The following TEN1 variants were observed in gnomAD, a reference collection of about 807,000 sequenced individuals.
TEN1 encodes CST complex subunit TEN1.
TEN1 carries 6 observed loss-of-function variants against 9.3 expected under a neutral mutation model. The ratio of observed to expected loss-of-function variants is 0.65; its 90% confidence interval spans 0.35 to 1.27. The LOEUF (loss-of-function observed/expected upper bound fraction) is 1.27, where lower values mean the gene tolerates loss of function less well. Ranked by LOEUF, TEN1 falls within the 50% of genes most tolerant of loss-of-function variation. TEN1 has a pLI of 0.03. For synonymous variants in TEN1, 65 were observed against 65.6 expected (o/e 0.99, Z 0.04); for missense variants, 149 against 158.2 (o/e 0.94, Z 0.31).
intron 3 of TEN1, among the ~76,000 whole-genome samples, chr17:75,996,416 C>T (rs527271028): frequency 1.3e-4 from 20 of 151,916 alleles, no homozygotes; most frequent in Non-Finnish European, 2.2e-4. Flanking sequence ...AACTGGGAGG[C>T]GGAGGTTGCA....
At chr17:75,997,886 C>T (rs146135848) in intron 3 of TEN1, among the ~76,000 whole-genome samples, 44 of 151,756 alleles carry the variant, frequency 2.9e-4, no homozygotes, top group African/African-American at 9.7e-4. Context: ...TGGAGTCTCG[C>T]TCTGTCACCC....
chr17:75,981,115 T>C (rs1031095545), intron 1 of TEN1, among the ~76,000 whole-genome samples: 1 of 152,212 alleles, frequency 6.6e-6, no homozygotes, highest in Non-Finnish European at 1.5e-5. Flanking sequence ...TGAGTTTTTA[T>C]TTTGAAATAA....
intron 3 of TEN1, among the ~76,000 whole-genome samples, chr17:75,997,996 TGCCCG>T (rs2066227445): frequency 6.6e-6 from 1 of 151,224 alleles, no homozygotes; most frequent in South Asian, 2.1e-4. Flanking sequence ...GGATTACAGG[TGCCCG>T]CCACCACACC....
intron 3 of TEN1, among the ~76,000 whole-genome samples, chr17:75,993,492 A>T (rs1438148318): frequency 3.9e-5 from 6 of 152,192 alleles, no homozygotes; most frequent in African/African-American, 1.4e-4. Flanking sequence ...CTGACAAAAT[A>T]AAAAATCCAG....
intron 1 of TEN1, among the ~76,000 whole-genome samples, chr17:75,985,407 G>A (rs529283114): frequency 4.1e-4 from 63 of 152,088 alleles, no homozygotes; most frequent in South Asian, 4.2e-4. Context: ...CTTGGCCTCC[G>A]AAAGAGCTGG....
chr17:76,000,352 G>C lies in TEN1; in HGVS notation c.*90G>C, dbSNP rs2066247270. 1 of 1,450,956 alleles carries C rather than the reference G, an allele frequency of 6.9e-7. No individual in the cohort carries two copies. Among genetic ancestry groups the C allele is most frequent in the Middle Eastern group, 1.9e-4 (1 of 5,246 alleles). The allele number at this position is 1,450,956 out of a possible 1,614,324, so 89.9% of individuals were successfully genotyped here. ...CCGGGAGAGCACAGACGCCTCCCCA[G>C]CGACGGCCTTGTCTGGAGCTCGAAA... On this transcript the variant is annotated 3_prime_UTR_variant, in exon 4 of 4. Transcript: ENST00000397640. The surrounding 1 kb of genome is among the most constrained non-coding windows in gnomAD (Gnocchi z 5.9).
chr17:76,000,217 C>A lies in TEN1; in HGVS notation c.327C>A (p.Ile109=), dbSNP rs1474751254. The part of the protein sequence containing the change: ...GMNLPLLEQA[I]REQRLYKQER... The stretch of plus-strand genomic sequence containing the variant: ...ACCTGCCCTTGTTGGAACAAGCCAT[C>A]CGGGAGCAGAGACTGTACAAGCAGG... Residue 109 remains isoleucine (I), a synonymous_variant, in exon 4 of 4, where the codon ATC becomes ATA. Transcript: ENST00000397640. The surrounding 1 kb of genome is among the most constrained non-coding windows in gnomAD (Gnocchi z 5.9). 2 of 1,551,326 alleles carry A rather than the reference C, an allele frequency of 1.3e-6. No homozygotes were observed. Among genetic ancestry groups the A allele is most frequent in the African/African-American group, 2.7e-5 (2 of 73,034 alleles).
chr17:75,985,752 G>A (rs970780473), intron 1 of TEN1, among the ~76,000 whole-genome samples: 1 of 151,254 alleles, frequency 6.6e-6, no homozygotes. Flanking sequence ...TTGAACTCCT[G>A]ACCTCAGGTG....
At chr17:75,985,893 T>C (rs1296917030) in intron 1 of TEN1, among the ~76,000 whole-genome samples, 1 of 151,348 alleles carries the variant, frequency 6.6e-6, no homozygotes, top group Non-Finnish European at 1.5e-5. Context: ...CTTTTTTATA[T>C]ATATTTTTTA....
At position 76,000,371 on chromosome 17, in the gene TEN1, C is replaced by T; in HGVS notation, c.*109C>T. The T allele has an allele frequency of 7.1e-7, 1 of 1,414,536 alleles. No individual in the cohort carries two copies. Among genetic ancestry groups the T allele is most frequent in the South Asian group, 1.5e-5 (1 of 66,590 alleles). 87.6% of individuals were successfully genotyped at this position (1,414,536 alleles called of 1,614,324 possible). ...TCCCCAGCGACGGCCTTGTCTGGAG[C>T]TCGAAAGCCGAGGGGCGGGTGATGA... On this transcript the variant is annotated 3_prime_UTR_variant, in exon 4 of 4. Transcript: ENST00000397640. The surrounding 1 kb of genome is among the most constrained non-coding windows in gnomAD (Gnocchi z 5.9).
intron 3 of TEN1, among the ~76,000 whole-genome samples, chr17:75,995,618 C>T (rs1170137094): frequency 1.3e-5 from 2 of 152,202 alleles, no homozygotes; most frequent in African/African-American, 4.8e-5. Flanking sequence ...GCCCGAGGGC[C>T]CCCTGTTCTG....
At chr17:75,981,810 G>T (rs1393349810) in intron 1 of TEN1, among the ~76,000 whole-genome samples, 1 of 151,984 alleles carries the variant, frequency 6.6e-6, no homozygotes, top group African/African-American at 2.4e-5. Context: ...CAGGTGGATA[G>T]CGAGGTCAGG....
intron 1 of TEN1, among the ~76,000 whole-genome samples, chr17:75,979,761 G>C (rs540898114): frequency 1.9e-4 from 29 of 152,016 alleles, no homozygotes; most frequent in Admixed American, 1.9e-3. Context: ...ACGGGAACCA[G>C]TCTCTTTGGG....
intron 1 of TEN1, among the ~76,000 whole-genome samples, chr17:75,981,798 G>A (rs2066122399): frequency 6.6e-6 from 1 of 152,090 alleles, no homozygotes; most frequent in Non-Finnish European, 1.5e-5. Context: ...GGGAGGCCAA[G>A]GCAGGTGGAT....
chr17:75,983,395 C>T (rs960075287), intron 1 of TEN1, among the ~76,000 whole-genome samples: 1 of 152,204 alleles, frequency 6.6e-6, no homozygotes, highest in African/African-American at 2.4e-5. Flanking sequence ...TTCCCCAGAT[C>T]CACCAGAAAA....
At position 75,991,554 on chromosome 17, in the gene TEN1, T is replaced by C. The variant is rs977512123; in HGVS notation, c.181T>C (p.Leu61=). The C allele has an allele frequency of 2.6e-5, 41 of 1,552,148 alleles. No individual in the cohort carries two copies. The highest frequency in any genetic ancestry group is 4.9e-5 in the East Asian group (2 of 40,932). Reference sequence around the variant, plus strand: ...GCACCAGGTTCTTGTCTGTACCAAGTTGGTGGAGCCCTTCCACGCCCAGGT... The same window carrying C: ...GCACCAGGTTCTTGTCTGTACCAAGCTGGTGGAGCCCTTCCACGCCCAGGT... ...DQHQVLVCTK[L]VEPFHAQVGS... is the part of the protein sequence containing the mutation. Residue 61 remains leucine, a synonymous_variant, in exon 3 of 4, where the codon TTG becomes CTG. Coordinates refer to ENST00000397640, the MANE Select transcript of TEN1 (RefSeq NM_001113324.3).
intron 2 of TEN1, among the ~76,000 whole-genome samples, chr17:75,988,065 C>T (rs2066162869): frequency 6.6e-6 from 1 of 151,086 alleles, no homozygotes; most frequent in Admixed American, 6.6e-5. Flanking sequence ...CATGGTGAAA[C>T]CCCGTCTCTA....
intron 2 of TEN1, among the ~76,000 whole-genome samples, chr17:75,990,142 C>T (rs2066176446): frequency 6.6e-6 from 1 of 151,532 alleles, no homozygotes; most frequent in Non-Finnish European, 1.5e-5. Flanking sequence ...GCCTCTTGGG[C>T]TCCAGTGATC....
At chr17:75,999,039 A>C (rs906224047) in intron 3 of TEN1, among the ~76,000 whole-genome samples, 2 of 151,818 alleles carry the variant, frequency 1.3e-5, no homozygotes, top group African/African-American at 4.8e-5. Flanking sequence ...ATGACTGGGG[A>C]AAAAAGAAAG....
Sources: allele counts gnomAD v4.1 joint callset (sites outside exome capture counted in the v4.1 genomes callset), GRCh38; gene constraint gnomAD v4.1.1; non-coding constraint Gnocchi (gnomAD v3.1); transcripts MANE v1.5; gene names NCBI Gene and HGNC (gene_info 2026-07-23, HGNC 2026-07-21).